MAGI1: variants seen among roughly 807,000 people sequenced by gnomAD.
The protein encoded by MAGI1 is membrane-associated guanylate kinase, WW and PDZ domain-containing protein 1.
A neutral mutation model predicts 139.9 loss-of-function variants in MAGI1; 58 were observed. The ratio of observed to expected loss-of-function variants is 0.41; its 90% CI spans 0.34 to 0.52. The LOEUF is 0.52. MAGI1 is among the 20% of genes least tolerant of loss of function. MAGI1 has a pLI of 0.12. For missense variants in MAGI1, 1,874 were observed against 1,901.6 expected, an observed-to-expected ratio of 0.99 and a Z score of 0.27; for synonymous variants, 812 against 737.9, an observed-to-expected ratio of 1.10 and a Z score of -1.63.
At chr3:65,953,297 A>T (rs916883692) in intron 1 of MAGI1, among the ~76,000 whole-genome samples, 3 of 152,156 alleles carry the variant, frequency 2.0e-5, no homozygotes, top group Non-Finnish European at 4.4e-5. Flanking sequence ...TCCAGACGAA[A>T]CCAAAGGCCT....
chr3:65,800,385 T>C (rs62244033), intron 1 of MAGI1, among the ~76,000 whole-genome samples: 3,261 of 152,340 alleles, frequency 0.021, 48 homozygotes, highest in South Asian at 0.059. Context: ...GTATTTTCTA[T>C]ACACTGAAGA....
intron 10 of MAGI1, among the ~76,000 whole-genome samples, chr3:65,434,916 G>A (rs1947726406): frequency 6.6e-6 from 1 of 152,178 alleles, no homozygotes; most frequent in South Asian, 2.1e-4. Context: ...TGGAAGTGGG[G>A]CCTTTGGGAG....
chr3:65,435,332 C>T lies in MAGI1; in HGVS notation c.1363+1823G>A, dbSNP rs932568612. ...AGAATCTGAGATGAAGTGTCTAATA[C>T]AGACAAATACCGTCTCAAGTCTTAG... On this transcript the variant is annotated intron_variant, in intron 10 of 22. Coordinates refer to ENST00000402939, the MANE Select transcript of MAGI1 (RefSeq NM_001033057.2). Among the ~76,000 whole-genome samples, 4 of 152,284 alleles carry T rather than the reference C, an allele frequency of 2.6e-5. No homozygotes were observed. In the South Asian group the frequency reaches 8.3e-4, roughly 32 times the overall value.
At chr3:65,996,868 A>G (rs1286342727) in intron 1 of MAGI1, among the ~76,000 whole-genome samples, 1 of 152,252 alleles carries the variant, frequency 6.6e-6, no homozygotes, top group East Asian at 1.9e-4. Flanking sequence ...AGATTAAGTC[A>G]TCAAATGACT....
At chr3:65,682,616 G>A (rs2087671714) in intron 1 of MAGI1, among the ~76,000 whole-genome samples, 1 of 152,048 alleles carries the variant, frequency 6.6e-6, no homozygotes, top group Non-Finnish European at 1.5e-5. Flanking sequence ...GCACCTAAAT[G>A]TAAAATGTAA....
chr3:65,408,432 C>G (rs1038429133), intron 12 of MAGI1, among the ~76,000 whole-genome samples: 1 of 152,142 alleles, frequency 6.6e-6, no homozygotes, highest in Non-Finnish European at 1.5e-5. Context: ...CTAGGCCATG[C>G]TTTTATTTGT....
At chr3:65,585,346 G>A (rs529146829) in intron 2 of MAGI1, among the ~76,000 whole-genome samples, 12 of 152,206 alleles carry the variant, frequency 7.9e-5, no homozygotes, top group Non-Finnish European at 1.2e-4. Flanking sequence ...AATTTTAAAT[G>A]TGGATAAAGG....
chr3:65,609,418 C>T (rs2082922409), intron 2 of MAGI1, among the ~76,000 whole-genome samples: 1 of 151,838 alleles, frequency 6.6e-6, no homozygotes, highest in African/African-American at 2.4e-5. Flanking sequence ...GCTGGGACTA[C>T]AGGTACGTGC....
At chr3:65,570,103 T>G (rs2080884388) in intron 2 of MAGI1, among the ~76,000 whole-genome samples, 1 of 147,122 alleles carries the variant, frequency 6.8e-6, no homozygotes. Flanking sequence ...TTATTATTAT[T>G]ATTATTATTA....
At position 65,516,400 on chromosome 3, in the gene MAGI1, G is replaced by A. The variant is rs184348416; in HGVS notation, c.431-22769C>T. 9.2e-5 allele frequency among the ~76,000 whole-genome samples: 14 copies of A among 152,068 alleles called. No individual in the cohort carries two copies. In the East Asian group the frequency reaches 2.5e-3, roughly 28 times the overall value. On this transcript the variant is annotated intron_variant, in intron 2 of 22. Transcript: ENST00000402939. ...TCACCATGTTGGCCAGGATGGTCTC[G>A]ATCTCTTGACCTTGGGATCCGCCCG...
At chr3:65,367,562 G>A (rs1674908924) in intron 18 of MAGI1, among the ~76,000 whole-genome samples, 1 of 152,112 alleles carries the variant, frequency 6.6e-6, no homozygotes, top group African/African-American at 2.4e-5. Flanking sequence ...GTTTAAACGT[G>A]CCAAGCACTG....
intron 1 of MAGI1, among the ~76,000 whole-genome samples, chr3:65,854,259 G>A (rs1360956662): frequency 6.6e-6 from 1 of 151,180 alleles, no homozygotes; most frequent in African/African-American, 2.4e-5. Flanking sequence ...AAGAGTCTGG[G>A]CAACAAAGTG....
At chr3:65,371,427 C>T (rs1216289668) in intron 18 of MAGI1, among the ~76,000 whole-genome samples, 1 of 152,156 alleles carries the variant, frequency 6.6e-6, no homozygotes, top group Non-Finnish European at 1.5e-5. Context: ...TACTTTATTG[C>T]TAAATAATGA....
intron 3 of MAGI1, among the ~76,000 whole-genome samples, chr3:65,492,958 A>G (rs553827180): frequency 1.4e-4 from 21 of 151,992 alleles, no homozygotes; most frequent in East Asian, 3.9e-4. Flanking sequence ...GGCGCCTGTA[A>G]TCCCAGCTAC....
At chr3:65,565,131 A>T (rs1424330041) in intron 2 of MAGI1, among the ~76,000 whole-genome samples, 3 of 152,210 alleles carry the variant, frequency 2.0e-5, no homozygotes, top group Non-Finnish European at 2.9e-5. Flanking sequence ...GGCACAAACA[A>T]TTCATTAAAG....
At chr3:65,774,242 T>C (rs2038192029) in intron 1 of MAGI1, among the ~76,000 whole-genome samples, 1 of 152,156 alleles carries the variant, frequency 6.6e-6, no homozygotes, top group Non-Finnish European at 1.5e-5. Flanking sequence ...AGCAAAGAAG[T>C]CCTGAGCAGG....
intron 1 of MAGI1, among the ~76,000 whole-genome samples, chr3:65,826,704 T>C (rs995612186): frequency 6.6e-6 from 1 of 152,194 alleles, no homozygotes; most frequent in African/African-American, 2.4e-5. Flanking sequence ...GGGCACTGTA[T>C]TGAGACATCA....
At chr3:65,711,605 G>A (rs1328064550) in intron 1 of MAGI1, among the ~76,000 whole-genome samples, 1 of 152,138 alleles carries the variant, frequency 6.6e-6, no homozygotes, top group African/African-American at 2.4e-5. Context: ...GCCCTTTAAA[G>A]AGGTTATTAA....
At chr3:65,382,691 A>G (rs1943150401) in intron 15 of MAGI1, among the ~76,000 whole-genome samples, 1 of 152,228 alleles carries the variant, frequency 6.6e-6, no homozygotes, top group Non-Finnish European at 1.5e-5. Context: ...TTTATAGTTT[A>G]CAAAGAACTT....
Sources: gnomAD v4.1 joint callset for allele counts (sites outside exome capture counted in the v4.1 genomes callset) on GRCh38, gnomAD v4.1.1 for gene constraint, MANE v1.5 for transcripts, NCBI Gene and HGNC (gene_info 2026-07-23, HGNC 2026-07-21) for gene names.